CDH13: variants seen among roughly 807,000 people sequenced by gnomAD.
CDH13 encodes cadherin-13.
A neutral mutation model predicts 63.8 loss-of-function variants in CDH13; 24 were observed. The ratio of observed to expected loss-of-function variants is 0.38; its 90% CI spans 0.27 to 0.53. The LOEUF (loss-of-function observed/expected upper bound fraction) is 0.53, where lower values mean the gene tolerates loss of function less well. CDH13 is among the 20% of genes least tolerant of loss of function. The pLI is 0.85. For missense variants in CDH13, 1,049 were observed against 903.1 expected (o/e 1.16, Z -2.07); for synonymous variants, 503 against 355.3 (o/e 1.42, Z -4.67).
chr16:82,889,338 C>G (rs557754748), intron 2 of CDH13, among the ~76,000 whole-genome samples: 1 of 152,034 alleles, frequency 6.6e-6, no homozygotes, highest in East Asian at 1.9e-4. Flanking sequence ...ACCTACCTAT[C>G]TACCAACCAA....
chr16:82,707,341 A>T (rs2031574096), intron 1 of CDH13, among the ~76,000 whole-genome samples: 1 of 152,216 alleles, frequency 6.6e-6, no homozygotes, highest in Admixed American at 6.5e-5. Flanking sequence ...AGGGGTAGAC[A>T]TGATCTTACA....
At chr16:83,363,877 G>C (rs2091209551) in intron 6 of CDH13, among the ~76,000 whole-genome samples, 1 of 152,166 alleles carries the variant, frequency 6.6e-6, no homozygotes, top group Admixed American at 6.5e-5. Flanking sequence ...ATGAATATCA[G>C]AGAGGGTCAC....
At chr16:82,791,761 G>A (rs189210892) in intron 1 of CDH13, among the ~76,000 whole-genome samples, 1,607 of 152,292 alleles carry the variant, frequency 0.011, 23 homozygotes, top group Non-Finnish European at 0.013. Flanking sequence ...GCCTGGGTTC[G>A]TCCTAACTGG....
At chr16:83,680,974 A>G (rs1670786254) in intron 10 of CDH13, among the ~76,000 whole-genome samples, 1 of 152,036 alleles carries the variant, frequency 6.6e-6, no homozygotes, top group Admixed American at 6.6e-5. Context: ...AAGAGGGAAG[A>G]GGCACCAGCA....
At chr16:82,687,890 G>A (rs1381824568) in intron 1 of CDH13, among the ~76,000 whole-genome samples, 1 of 152,174 alleles carries the variant, frequency 6.6e-6, no homozygotes, top group Non-Finnish European at 1.5e-5. Context: ...GGGATGCTAA[G>A]TAAGGAGCTT....
intron 1 of CDH13, among the ~76,000 whole-genome samples, chr16:82,815,542 C>T (rs1340532301): frequency 6.6e-6 from 1 of 152,182 alleles, no homozygotes; most frequent in African/African-American, 2.4e-5. Flanking sequence ...TGTTCAGAAA[C>T]AAGCTGGTTT....
intron 8 of CDH13, among the ~76,000 whole-genome samples, chr16:83,612,169 A>T (rs1908918255): frequency 6.6e-6 from 1 of 152,074 alleles, no homozygotes; most frequent in South Asian, 2.1e-4. Context: ...AATTTTTAAA[A>T]ACTTAATTTG....
At chr16:83,601,353 G>C (rs1907774685) in intron 7 of CDH13, among the ~76,000 whole-genome samples, 1 of 152,122 alleles carries the variant, frequency 6.6e-6, no homozygotes, top group African/African-American at 2.4e-5. Context: ...GGGCTATTTG[G>C]CTAGTTGTTT....
chr16:82,686,541 C>A (rs1431576957), intron 1 of CDH13, among the ~76,000 whole-genome samples: 1 of 152,178 alleles, frequency 6.6e-6, no homozygotes, highest in Non-Finnish European at 1.5e-5. Flanking sequence ...CAGAGAACAA[C>A]GAGGCCAGTC....
At chr16:82,890,986 A>G (rs1051104956) in intron 2 of CDH13, among the ~76,000 whole-genome samples, 1 of 150,806 alleles carries the variant, frequency 6.6e-6, no homozygotes, top group African/African-American at 2.4e-5. Flanking sequence ...GAGGGTAGGC[A>G]CTTGAAGCCC....
chr16:83,350,491 C>A (rs539249574), intron 6 of CDH13, among the ~76,000 whole-genome samples: 1 of 152,340 alleles, frequency 6.6e-6, no homozygotes, highest in East Asian at 1.9e-4. Flanking sequence ...CAGTTACGTC[C>A]TCATTGTCTA....
intron 4 of CDH13, among the ~76,000 whole-genome samples, chr16:83,158,488 C>G (rs1046483624): frequency 2.6e-5 from 4 of 152,252 alleles, no homozygotes; most frequent in African/African-American, 7.2e-5. Context: ...CCAGGGCTGG[C>G]TGTCCCTGTC....
Position 83,322,640 on chromosome 16 carries a change from G to T in CDH13, c.637-22222G>T, listed in dbSNP as rs140850672. Among the ~76,000 whole-genome samples, 7 of 152,214 alleles carry T rather than the reference G, an allele frequency of 4.6e-5. No homozygotes were observed. In the East Asian group the frequency reaches 1.4e-3, roughly 29 times the overall value. ...ATCATAGAGGTCTCTGCAGTGAGCA[G>T]GGGGTGCCCAGATGAAGGATGAACT... On this transcript the variant is annotated intron_variant, in intron 5 of 13. Transcript: ENST00000567109.
At chr16:83,006,371 T>C (rs949302156) in intron 2 of CDH13, among the ~76,000 whole-genome samples, 3 of 152,242 alleles carry the variant, frequency 2.0e-5, no homozygotes, top group African/African-American at 7.2e-5. Flanking sequence ...CGTTCAGATA[T>C]GTCTCCTGAA....
At chr16:83,643,300 A>AG (rs55948849) in intron 8 of CDH13, among the ~76,000 whole-genome samples, 5 of 62,728 alleles carry the variant, frequency 8.0e-5, no homozygotes, top group African/African-American at 3.5e-4. Context: ...AAAAAAAAAA[A>AG]AGAAAAAAAA....
At chr16:82,666,465 G>A (rs1301830828) in intron 1 of CDH13, among the ~76,000 whole-genome samples, 1 of 152,178 alleles carries the variant, frequency 6.6e-6, no homozygotes, top group African/African-American at 2.4e-5. Flanking sequence ...ACCCATACTT[G>A]AATACTTGGT....
At chr16:83,188,193 A>C (rs960052797) in intron 4 of CDH13, among the ~76,000 whole-genome samples, 1 of 152,146 alleles carries the variant, frequency 6.6e-6, no homozygotes, top group African/African-American at 2.4e-5. Context: ...TTATGTCTTT[A>C]TTGAATGGCT....
intron 1 of CDH13, among the ~76,000 whole-genome samples, chr16:82,718,086 C>T (rs990989627): frequency 7.9e-5 from 12 of 152,230 alleles, no homozygotes; most frequent in Middle Eastern, 3.4e-3. Context: ...CTCAGGAAAC[C>T]GGTAAGGCAG....
chr16:82,794,072 C>G (rs1383999471), intron 1 of CDH13, among the ~76,000 whole-genome samples: 2 of 151,956 alleles, frequency 1.3e-5, no homozygotes, highest in East Asian at 3.9e-4. Context: ...ATCCGAGGCC[C>G]GTGGGTCACA....
Sources: allele counts gnomAD v4.1 joint callset (sites outside exome capture counted in the v4.1 genomes callset), GRCh38; gene constraint gnomAD v4.1.1; transcripts MANE v1.5; gene names NCBI Gene and HGNC (gene_info 2026-07-23, HGNC 2026-07-21).